The following PDZRN3 variants were observed in gnomAD, a reference collection of about 807,000 sequenced individuals.
PDZRN3 encodes PDZ domain containing ring finger 3, also known as E3 ubiquitin-protein ligase PDZRN3.
A neutral mutation model predicts 85.7 loss-of-function variants in PDZRN3; 38 were observed. The ratio of observed to expected loss-of-function variants is 0.44; its 90% CI spans 0.34 to 0.58. The LOEUF is 0.58. PDZRN3 is among the 20% of genes least tolerant of loss of function. The pLI is 0.01. For missense variants in PDZRN3, 1,629 were observed against 1,506.4 expected (o/e 1.08, Z -1.35); for synonymous variants, 759 against 638.0 (o/e 1.19, Z -2.86).
intron 5 of PDZRN3, among the ~76,000 whole-genome samples, chr3:73,393,511 T>G (rs1209617348): frequency 6.6e-6 from 1 of 152,088 alleles, no homozygotes; most frequent in East Asian, 1.9e-4. Flanking sequence ...GTAGACCAGT[T>G]CAGGTGTTGG....
intron 3 of PDZRN3, among the ~76,000 whole-genome samples, chr3:73,566,579 A>G (rs972879581): frequency 9.9e-5 from 15 of 152,106 alleles, no homozygotes; most frequent in African/African-American, 3.4e-4. Context: ...CTTATTGCCT[A>G]CTCATCTCTT....
At position 73,383,226 on chromosome 3, in the gene PDZRN3, T is replaced by A. The variant is rs1043170451; in HGVS notation, c.*139A>T. ...TAAAATAGACCTATGACACCCAGAG[T>A]TGTAGGGTTTGCAAATTTGGACTAT... On this transcript the variant is annotated 3_prime_UTR_variant, in exon 10 of 10. Transcript: ENST00000263666. The A allele has an allele frequency of 7.0e-5, 51 of 726,364 alleles. No homozygotes were observed. The highest frequency in any genetic ancestry group is 1.1e-4 in the Non-Finnish European group (46 of 436,438). 45.0% of individuals were successfully genotyped at this position (726,364 alleles called of 1,614,324 possible). A position where few individuals can be genotyped will look rare whatever the true frequency, so the allele number is the denominator to read the frequency against.
intron 3 of PDZRN3, among the ~76,000 whole-genome samples, chr3:73,535,180 A>G (rs1266411028): frequency 6.6e-6 from 1 of 152,112 alleles, no homozygotes; most frequent in African/African-American, 2.4e-5. Context: ...ATGACATGGA[A>G]CAGAGCAGCT....
At chr3:73,485,312 TTTTATAATATTAATA>T (rs1431567167) in intron 3 of PDZRN3, among the ~76,000 whole-genome samples, 2 of 149,134 alleles carry the variant, frequency 1.3e-5, no homozygotes, top group African/African-American at 2.4e-5. Flanking sequence ...ATTTATATTA[TTTTATAATATTAATA>T]TTTATAATAT....
At chr3:73,455,255 G>A (rs1304594378) in intron 3 of PDZRN3, among the ~76,000 whole-genome samples, 2 of 152,168 alleles carry the variant, frequency 1.3e-5, no homozygotes, top group Admixed American at 6.5e-5. Flanking sequence ...TACAAGGTAA[G>A]AACTCTTGCC....
rs60906221 is a variant in PDZRN3, at chr3:73,520,045, A to G, written c.918+82309T>C. ...CCCATCCATACCTGTCAGCCCTTAA[A>G]GCAGGGGGGAACACAGAAGAGTTTT... On this transcript the variant is annotated intron_variant, in intron 3 of 9. Transcript: ENST00000263666. Among the ~76,000 whole-genome samples, 1,201 of 152,268 alleles carry G rather than the reference A, an allele frequency of 7.9e-3. 11 individuals are homozygous for G. Among genetic ancestry groups the G allele is most frequent in the African/African-American group, 0.026 (1,100 of 41,532 alleles).
At position 73,451,195 on chromosome 3, in the gene PDZRN3, C is replaced by T. The variant is rs146940843; in HGVS notation, c.919-46800G>A. The stretch of plus-strand genomic sequence containing the variant: ...GGTGGGGAGCAGGCCCCTGGGACAC[C>T]GAAACTGGCTCACATCCACAGGCAA... On this transcript the variant is annotated intron_variant, in intron 3 of 9. Coordinates refer to ENST00000263666, the MANE Select transcript of PDZRN3 (RefSeq NM_015009.3). Among the ~76,000 whole-genome samples the T allele has an allele frequency of 5.1e-3, 783 of 152,118 alleles. 4 individuals are homozygous for T. The highest frequency in any genetic ancestry group is 0.01 in the Middle Eastern group (3 of 294).
chr3:73,541,432 G>A (rs1001716659), intron 3 of PDZRN3, among the ~76,000 whole-genome samples: 3 of 152,154 alleles, frequency 2.0e-5, no homozygotes, highest in Non-Finnish European at 4.4e-5. Flanking sequence ...AAGCCTATGA[G>A]TTATGTACCA....
chr3:73,569,068 G>C (rs1031590897), intron 3 of PDZRN3: 1 of 773,528 alleles, frequency 1.3e-6, no homozygotes, highest in African/African-American at 1.8e-5. Flanking sequence ...AAAATAACTG[G>C]CCCAAAGTAT....
At chr3:73,590,010 T>C (rs1333976710) in intron 3 of PDZRN3, among the ~76,000 whole-genome samples, 1 of 152,044 alleles carries the variant, frequency 6.6e-6, no homozygotes, top group Admixed American at 6.5e-5. Context: ...GGCTCACGCA[T>C]GTAATCCCAA....
At chr3:73,575,577 G>A (rs1285839041) in intron 3 of PDZRN3, among the ~76,000 whole-genome samples, 1 of 152,128 alleles carries the variant, frequency 6.6e-6, no homozygotes, top group African/African-American at 2.4e-5. Context: ...AAAAATGTGA[G>A]GTGTGCTTAA....
In PDZRN3 at chr3:73,624,374, G is replaced by A; in HGVS notation, c.452C>T (p.Thr151Met). 1 of 1,310,748 alleles carries A rather than the reference G, an allele frequency of 7.6e-7. No individual in the cohort carries two copies. Among genetic ancestry groups the A allele is most frequent in the Non-Finnish European group, 9.6e-7 (1 of 1,036,400 alleles). 81.2% of individuals were successfully genotyped at this position (1,310,748 alleles called of 1,614,324 possible). Reference protein sequence around the residue: ...RCQEGCGLPLTHGEQRAGGHC... With the variant: ...RCQEGCGLPLMHGEQRAGGHC... ...GCCGCCCGCGCGCTGCTCGCCGTGC[G>A]TCAAGGGTAGCCCGCAGCCCTCCTG... is the stretch of plus-strand genomic sequence containing the variant. The change falls in exon 1 of 10, where the codon ACG becomes ATG. Residue 151 changes from threonine (T) to methionine (M), a missense_variant. Physicochemically the swap from Thr to Met is moderately conservative, Grantham distance 81. Transcript: ENST00000263666.
intron 3 of PDZRN3, among the ~76,000 whole-genome samples, chr3:73,592,503 T>C (rs1055707328): frequency 2.0e-5 from 3 of 151,908 alleles, no homozygotes; most frequent in Non-Finnish European, 4.4e-5. Context: ...ATAAAGAGAA[T>C]TAGAAGAGCC....
intron 3 of PDZRN3, among the ~76,000 whole-genome samples, chr3:73,532,424 C>T (rs1335553286): frequency 6.6e-6 from 1 of 152,212 alleles, no homozygotes; most frequent in Non-Finnish European, 1.5e-5. Context: ...ATAATAATTT[C>T]CATCTCTCCA....
intron 1 of PDZRN3, among the ~76,000 whole-genome samples, chr3:73,621,156 A>G (rs1294517107): frequency 6.6e-6 from 1 of 152,240 alleles, no homozygotes; most frequent in Admixed American, 6.5e-5. Flanking sequence ...AGTGACTCCA[A>G]TCACGCTAAG....
chr3:73,389,560 T>C (rs1482682759), intron 7 of PDZRN3, among the ~76,000 whole-genome samples: 1 of 152,168 alleles, frequency 6.6e-6, no homozygotes, highest in Admixed American at 6.5e-5. Context: ...GAGAACTGGC[T>C]CAAATTTTGC....
intron 3 of PDZRN3, among the ~76,000 whole-genome samples, chr3:73,580,528 C>T (rs1024435755): frequency 6.6e-6 from 1 of 152,206 alleles, no homozygotes; most frequent in Non-Finnish European, 1.5e-5. Flanking sequence ...ATGCCTTACT[C>T]ACCACTGACT....
At chr3:73,435,488 G>A (rs923326666) in intron 3 of PDZRN3, among the ~76,000 whole-genome samples, 2 of 152,120 alleles carry the variant, frequency 1.3e-5, no homozygotes, top group Non-Finnish European at 2.9e-5. Context: ...CTAAATAATA[G>A]GTATGATGCT....
chr3:73,390,976 G>A, intron 6 of PDZRN3, 42 bp downstream of exon 6: 1 of 1,318,928 alleles, frequency 7.6e-7, no homozygotes, highest in Non-Finnish European at 1.1e-6. Flanking sequence ...AACCCTTTTG[G>A]TCTTGATACG....
Sources: gnomAD v4.1 joint callset for allele counts (sites outside exome capture counted in the v4.1 genomes callset) on GRCh38, gnomAD v4.1.1 for gene constraint, MANE v1.5 for transcripts, NCBI Gene and HGNC (gene_info 2026-07-23, HGNC 2026-07-21) for gene names.